The following ANKRD28 variants were observed in gnomAD, a reference collection of about 807,000 sequenced individuals.
ANKRD28 encodes serine/threonine-protein phosphatase 6 regulatory ankyrin repeat subunit A.
In ANKRD28, 44 loss-of-function variants were observed where a neutral mutation model predicts 126.5. The ratio of observed to expected loss-of-function variants is 0.35; its 90% CI spans 0.27 to 0.45. The LOEUF is 0.45. Ranked by LOEUF, ANKRD28 falls within the 20% of genes least tolerant of loss-of-function variation. The pLI is 1.00. For missense variants in ANKRD28, 1,110 were observed against 1,316.6 expected, an observed-to-expected ratio of 0.84 and a Z score of 2.43; for synonymous variants, 442 against 468.5, an observed-to-expected ratio of 0.94 and a Z score of 0.73.
At chr3:15,720,278 T>C (rs1553606261) in intron 8 of ANKRD28, among the ~76,000 whole-genome samples, 1 of 152,128 alleles carries the variant, frequency 6.6e-6, no homozygotes, top group Non-Finnish European at 1.5e-5. Context: ...TTTTTTTCCC[T>C]AACACTGTAA....
intron 15 of ANKRD28, 32 bp from the exon 16 acceptor site, chr3:15,695,246 C>G: frequency 6.6e-7 from 1 of 1,505,850 alleles, no homozygotes; most frequent in Non-Finnish European, 9.1e-7. Flanking sequence ...AAATATTTAG[C>G]TTGGGAAGTA....
chr3:15,742,525 G>A (rs2057132545), intron 4 of ANKRD28, among the ~76,000 whole-genome samples: 1 of 131,592 alleles, frequency 7.6e-6, no homozygotes, highest in South Asian at 2.7e-4. Context: ...GAGAAGTGAG[G>A]AGCCCCTCCG....
At chr3:15,683,301 A>G (rs968500944) in intron 21 of ANKRD28, among the ~76,000 whole-genome samples, 1 of 152,196 alleles carries the variant, frequency 6.6e-6, no homozygotes, top group East Asian at 1.9e-4. Flanking sequence ...ACTATATTAG[A>G]TATTTTGGGT....
At chr3:15,760,279 A>G (rs1165786209) in intron 3 of ANKRD28, among the ~76,000 whole-genome samples, 1 of 152,178 alleles carries the variant, frequency 6.6e-6, no homozygotes, top group African/African-American at 2.4e-5. Flanking sequence ...CTGTACAACA[A>G]ACCCACATGA....
rs1243068988 is a variant in ANKRD28, at chr3:15,815,059, T to C, written c.28-19753A>G. Among the ~76,000 whole-genome samples the C allele has an allele frequency of 6.6e-6, 1 of 151,558 alleles. No homozygotes were observed. Among genetic ancestry groups the C allele is most frequent in the East Asian group, 1.9e-4 (1 of 5,198 alleles). ...GTATTTAATTTCCTAAGAGTAAATA[T>C]TTGGGTTGCTTCTATTTTAAAATTC... On this transcript the variant is annotated intron_variant, in intron 1 of 27. Transcript: ENST00000399451. This position sits in a 1 kb window ranked among gnomAD's most constrained non-coding sequence, Gnocchi z 4.1.
At chr3:15,676,420 T>C (rs1194591556) in intron 26 of ANKRD28, among the ~76,000 whole-genome samples, 1 of 152,188 alleles carries the variant, frequency 6.6e-6, no homozygotes, top group African/African-American at 2.4e-5. Context: ...CATGACTAAT[T>C]TTTGGACCTT....
chr3:15,751,800 C>A lies in ANKRD28; in HGVS notation c.301G>T (p.Asp101Tyr). 6.3e-7 allele frequency: 1 copy of A among 1,585,500 alleles called. No individual in the cohort carries two copies. Among genetic ancestry groups the A allele is most frequent in the South Asian group, 1.2e-5 (1 of 86,156 alleles). Residue 101 changes from aspartate to tyrosine, a missense_variant, in exon 4 of 28, where the codon GAC becomes TAC. Transcript: ENST00000683139. ...TGTAAAGGTGTCAACCATTTGCTGT[C>A]TTTGGCATTAACTCTAGCTCCTGCA... ...ILSGARVNAKDSKWLTPLHRA... is the reference protein window; with the variant it reads ...ILSGARVNAKYSKWLTPLHRA...
At chr3:15,681,694 T>A (rs1004494400) in intron 21 of ANKRD28, among the ~76,000 whole-genome samples, 1 of 152,242 alleles carries the variant, frequency 6.6e-6, no homozygotes, top group Non-Finnish European at 1.5e-5. Flanking sequence ...AAACCTGTAA[T>A]TGTGTTCCAT....
intron 4 of ANKRD28, among the ~76,000 whole-genome samples, chr3:15,744,371 T>G (rs2057331353): frequency 6.6e-6 from 1 of 152,158 alleles, no homozygotes; most frequent in African/African-American, 2.4e-5. Flanking sequence ...TGGAGCGCAA[T>G]GGCGCGATCT....
intron 2 of ANKRD28, chr3:15,781,757 G>A (rs1350169019): frequency 6.6e-6 from 1 of 152,124 alleles, no homozygotes; most frequent in Middle Eastern, 3.2e-3. Flanking sequence ...AATTCTTAAT[G>A]CTGTATACAA....
intron 7 of ANKRD28, among the ~76,000 whole-genome samples, chr3:15,721,684 ATTTT>A (rs2124933466): frequency 6.6e-6 from 1 of 152,326 alleles, no homozygotes; most frequent in South Asian, 2.1e-4. Context: ...ATATGCAGGT[ATTTT>A]ATCACAAGTA....
At chr3:15,671,556 A>C (rs2066352531) in intron 27 of ANKRD28, among the ~76,000 whole-genome samples, 1 of 151,180 alleles carries the variant, frequency 6.6e-6, no homozygotes, top group South Asian at 2.1e-4. Flanking sequence ...CTTGCTTTCA[A>C]CTTGGAGTCA....
chr3:15,718,177 G>A (rs1319357427), intron 8 of ANKRD28, among the ~76,000 whole-genome samples: 1 of 152,136 alleles, frequency 6.6e-6, no homozygotes, highest in African/African-American at 2.4e-5. Context: ...TGTAAGAGCT[G>A]GAAGGGATCT....
At position 15,738,972 on chromosome 3, in the gene ANKRD28, A is replaced by G. The variant is rs570006577; in HGVS notation, c.352-1739T>C. ...CCTTGCTGAGAAAAAGAATTCAGCGATATTTCTCCTATTTGCTTTTGAAAG... is the reference window on the plus strand; with the variant it reads ...CCTTGCTGAGAAAAAGAATTCAGCGGTATTTCTCCTATTTGCTTTTGAAAG... On this transcript the variant is annotated intron_variant, in intron 4 of 27. Transcript: ENST00000683139. 2.0e-5 allele frequency among the ~76,000 whole-genome samples: 3 copies of G among 152,290 alleles called. No homozygotes were observed. The South Asian group carries it at 6.2e-4, about 32-fold the overall frequency.
At chr3:15,805,728 A>G (rs772441874) in intron 1 of ANKRD28, among the ~76,000 whole-genome samples, 1 of 152,206 alleles carries the variant, frequency 6.6e-6, no homozygotes, top group South Asian at 2.1e-4. Context: ...GAGTAAATGT[A>G]GTATGAAGTT....
At chr3:15,752,251 T>C (rs1314497850) in intron 3 of ANKRD28, among the ~76,000 whole-genome samples, 3 of 152,154 alleles carry the variant, frequency 2.0e-5, no homozygotes, top group African/African-American at 7.2e-5. Context: ...TAAGGTAATA[T>C]GATAACATCA....
intron 6 of ANKRD28, among the ~76,000 whole-genome samples, chr3:15,731,222 C>T (rs1157359279): frequency 6.6e-6 from 1 of 152,166 alleles, no homozygotes; most frequent in African/African-American, 2.4e-5. Flanking sequence ...GCCATTCTGG[C>T]CCCCTTGAAA....
Position 15,845,406 on chromosome 3 carries a change from T to C in ANKRD28, c.27+13971A>G, listed in dbSNP as rs1211466620. The stretch of plus-strand genomic sequence containing the variant: ...CTAGGTTCCCTCTTTGTCCTGAGAA[T>C]GTCTAAAAGGTTACAGCTCCTTGGC... On this transcript the variant is annotated intron_variant, in intron 1 of 27. Coordinates refer to the ANKRD28 transcript ENST00000399451. The surrounding 1 kb of genome is among the most constrained non-coding windows in gnomAD (Gnocchi z 4.9). 6.6e-6 allele frequency among the ~76,000 whole-genome samples: 1 copy of C among 152,196 alleles called. No individual in the cohort carries two copies. Among genetic ancestry groups the C allele is most frequent in the African/African-American group, 2.4e-5 (1 of 41,440 alleles).
At chr3:15,789,844 TA>T (rs1480591537) in intron 2 of ANKRD28, among the ~76,000 whole-genome samples, 2 of 151,668 alleles carry the variant, frequency 1.3e-5, no homozygotes, top group East Asian at 3.9e-4. Flanking sequence ...AAAGTTGACT[TA>T]AAAAAATACA....
Sources: allele counts gnomAD v4.1 joint callset (sites outside exome capture counted in the v4.1 genomes callset), GRCh38; gene constraint gnomAD v4.1.1; non-coding constraint Gnocchi (gnomAD v3.1); transcripts MANE v1.5; gene names NCBI Gene and HGNC (gene_info 2026-07-23, HGNC 2026-07-21).